The following GAK variants were observed in gnomAD, a reference collection of about 807,000 sequenced individuals.
GAK encodes cyclin G associated kinase, also known as cyclin-G-associated kinase.
Under a neutral mutation model 143.9 loss-of-function variants are expected in GAK, and 79 were observed. That is an observed-to-expected ratio of 0.55 (90% CI 0.46 to 0.66). GAK has a LOEUF of 0.66. Ranked by LOEUF, GAK falls within the 30% of genes least tolerant of loss-of-function variation. The pLI is 0.00. For synonymous variants in GAK, 881 were observed against 765.5 expected (o/e 1.15, Z -2.49); for missense variants, 1,693 against 1,779.7 (o/e 0.95, Z 0.88).
At chr4:915,251 C>T (rs1032477479) in intron 1 of GAK, among the ~76,000 whole-genome samples, 14 of 152,182 alleles carry the variant, frequency 9.2e-5, no homozygotes, top group Admixed American at 5.9e-4. Context: ...CCAGCGTGCG[C>T]GGCCCCAGTG....
chr4:899,801 G>A (rs557041032), intron 5 of GAK, among the ~76,000 whole-genome samples: 21 of 152,354 alleles, frequency 1.4e-4, no homozygotes, highest in South Asian at 6.2e-4. Flanking sequence ...CCAGCAAGCT[G>A]AACAGGCTGT....
intron 7 of GAK, 64 bp downstream of exon 7, chr4:896,396 G>A (rs1052470858): frequency 2.9e-5 from 38 of 1,320,972 alleles, no homozygotes; most frequent in East Asian, 4.8e-5. Flanking sequence ...CCCGGCCCAC[G>A]CCGCCTCAGG....
intron 14 of GAK, 97 bp downstream of exon 14, chr4:882,600 G>A: frequency 6.8e-7 from 1 of 1,463,396 alleles, no homozygotes; most frequent in Non-Finnish European, 9.3e-7. Flanking sequence ...TGAAGAACAG[G>A]CCCCAGCTCA....
chr4:928,536 G>C (rs1212278535), intron 1 of GAK, among the ~76,000 whole-genome samples: 1 of 152,208 alleles, frequency 6.6e-6, no homozygotes, highest in African/African-American at 2.4e-5. Flanking sequence ...TTCAATAAAA[G>C]AAAATGATCT....
intron 23 of GAK, among the ~76,000 whole-genome samples, chr4:864,149 G>C (rs1473051386): frequency 6.6e-6 from 1 of 152,064 alleles, no homozygotes; most frequent in Non-Finnish European, 1.5e-5. Context: ...GCCTAAGCCC[G>C]GGAGTTCTAG....
At chr4:893,732 C>T (rs975613892) in intron 8 of GAK, 142 bp downstream of exon 8, 14 of 1,071,076 alleles carry the variant, frequency 1.3e-5, no homozygotes, top group Non-Finnish European at 1.7e-5. Flanking sequence ...GAAACCCCCC[C>T]CCCAGGGATG....
At chr4:927,306 A>C (rs79781891) in intron 1 of GAK, among the ~76,000 whole-genome samples, 1 of 3,932 alleles carries the variant, frequency 2.5e-4, no homozygotes, top group Non-Finnish European at 4.7e-4. Context: ...GCTCACCTGC[A>C]GTCCGCACTG....
chr4:896,434 T>C, intron 7 of GAK, 26 bp downstream of exon 7: 5 of 1,599,816 alleles, frequency 3.1e-6, no homozygotes, highest in Middle Eastern at 1.9e-4. Flanking sequence ...AGCCAGGCAC[T>C]GCCACTGAGA....
At chr4:852,264 G>A (rs1748301553) in intron 24 of GAK, 2 of 472,178 alleles carry the variant, frequency 4.2e-6, no homozygotes, top group Non-Finnish European at 7.6e-6. Context: ...GGCAGACCCA[G>A]GGCTTGTCCA....
intron 24 of GAK, chr4:853,681 G>A (rs11248049): frequency 0.41 from 62,400 of 151,998 alleles, 13,061 homozygotes; most frequent in South Asian, 0.46. Context: ...CCGTGTTCGG[G>A]CCTCCTCCGC....
At position 888,959 on chromosome 4, in the gene GAK, C is replaced by T. The variant is rs775623777; in HGVS notation, c.1093G>A (p.Ala365Thr). The T allele has an allele frequency of 6.2e-6, 10 of 1,611,598 alleles. No individual in the cohort carries two copies. The highest frequency in any genetic ancestry group is 8.5e-6 in the Non-Finnish European group (10 of 1,179,594). Residue 365 changes from alanine (A) to threonine (T), a missense_variant, in exon 11 of 28, where the codon GCG becomes ACG. Physicochemically the swap from Ala to Thr is moderately conservative, Grantham distance 58. Transcript: ENST00000314167. ...GSGYSGGLALAEYDQPYGGFL... is the reference protein window; with the variant it reads ...GSGYSGGLALTEYDQPYGGFL... ...CCGCCATACGGCTGGTCGTACTCCGCCAGCGCCAGGCCTGCAGGGAGACAC... is the reference window on the plus strand; with the variant it reads ...CCGCCATACGGCTGGTCGTACTCCGTCAGCGCCAGGCCTGCAGGGAGACAC...
chr4:862,033 T>C (rs1407908169), intron 23 of GAK, among the ~76,000 whole-genome samples: 1 of 152,174 alleles, frequency 6.6e-6, no homozygotes, highest in Non-Finnish European at 1.5e-5. Flanking sequence ...CTGCAGTAAG[T>C]CATCTGCTAA....
chr4:898,692 T>C (rs1719280033), intron 5 of GAK, among the ~76,000 whole-genome samples: 1 of 151,914 alleles, frequency 6.6e-6, no homozygotes, highest in African/African-American at 2.4e-5. Context: ...TAAAACCTCG[T>C]CTCTACTAAA....
intron 14 of GAK, 86 bp downstream of exon 14, chr4:882,611 T>A (rs3736086): frequency 1.3e-6 from 2 of 1,521,816 alleles, no homozygotes; most frequent in African/African-American, 2.7e-5. Flanking sequence ...CCCCAGCTCA[T>A]GACTGGCGCT....
intron 5 of GAK, among the ~76,000 whole-genome samples, chr4:902,349 G>C (rs574665186): frequency 6.6e-6 from 1 of 151,922 alleles, no homozygotes; most frequent in African/African-American, 2.4e-5. Flanking sequence ...CTCACACCTG[G>C]AATCGACCCC....
intron 23 of GAK, among the ~76,000 whole-genome samples, chr4:864,195 C>T (rs545027289): frequency 1.3e-5 from 2 of 152,080 alleles, no homozygotes; most frequent in Admixed American, 1.3e-4. Context: ...TTTGTCTCCA[C>T]AAAAAAATTT....
intron 1 of GAK, among the ~76,000 whole-genome samples, chr4:925,267 C>T (rs1006502640): frequency 6.6e-6 from 1 of 152,152 alleles, no homozygotes; most frequent in African/African-American, 2.4e-5. Flanking sequence ...GAGTCTGGTG[C>T]CCCCGAGCAG....
At chr4:866,683 G>A in intron 21 of GAK, 149 bp from the exon 22 acceptor site, 1 of 848,546 alleles carries the variant, frequency 1.2e-6, no homozygotes, top group Non-Finnish European at 1.8e-6. Context: ...GAGGCAGTCA[G>A]CCCAGGGGCT....
At chr4:882,292 C>T (rs971983566) in intron 14 of GAK, among the ~76,000 whole-genome samples, 8 of 152,366 alleles carry the variant, frequency 5.3e-5, no homozygotes, top group South Asian at 2.1e-4. Context: ...CCCCGTACCC[C>T]GCAAAAGACC....
Sources: allele counts gnomAD v4.1 joint callset (sites outside exome capture counted in the v4.1 genomes callset), GRCh38; gene constraint gnomAD v4.1.1; transcripts MANE v1.5; gene names NCBI Gene and HGNC (gene_info 2026-07-23, HGNC 2026-07-21).